CTNNA2: variants seen among roughly 807,000 people sequenced by gnomAD.
CTNNA2 encodes catenin alpha-2.
Under a neutral mutation model 101.0 loss-of-function variants are expected in CTNNA2, and 42 were observed. The ratio of observed to expected loss-of-function variants is 0.42; its 90% CI spans 0.32 to 0.54. The LOEUF (loss-of-function observed/expected upper bound fraction) is 0.54. CTNNA2 is among the 20% of genes least tolerant of loss of function. CTNNA2 has a pLI of 0.14. For synonymous variants in CTNNA2, 450 were observed against 456.4 expected (o/e 0.99, Z 0.18); for missense variants, 871 against 1,223.1 (o/e 0.71, Z 4.29).
intron 3 of CTNNA2, among the ~76,000 whole-genome samples, chr2:79,789,186 C>T (rs571171930): frequency 1.3e-5 from 2 of 152,262 alleles, no homozygotes; most frequent in South Asian, 4.1e-4. Flanking sequence ...CTGTGTGAGT[C>T]AGGGAAATGT....
intron 7 of CTNNA2, among the ~76,000 whole-genome samples, chr2:79,960,672 A>G (rs1024268991): frequency 3.3e-5 from 5 of 151,784 alleles, no homozygotes; most frequent in Non-Finnish European, 7.4e-5. Context: ...CATTACATTG[A>G]TTTTTTTTTC....
intron 7 of CTNNA2, among the ~76,000 whole-genome samples, chr2:79,944,953 A>C (rs571645556): frequency 4.6e-5 from 7 of 152,206 alleles, no homozygotes; most frequent in Non-Finnish European, 8.8e-5. Flanking sequence ...ATACATTGCC[A>C]TTCTCAGAAG....
chr2:79,403,825 G>A (rs1558658793), intron 4 of CTNNA2, among the ~76,000 whole-genome samples: 1 of 151,842 alleles, frequency 6.6e-6, no homozygotes, highest in Non-Finnish European at 1.5e-5. Context: ...TGTTGATGGG[G>A]GTGTAATTAA....
intron 3 of CTNNA2, among the ~76,000 whole-genome samples, chr2:79,810,501 G>A (rs1218406205): frequency 1.3e-5 from 2 of 150,544 alleles, no homozygotes; most frequent in African/African-American, 4.9e-5. Flanking sequence ...CCATTGAATT[G>A]CCTTTTCACC....
At chr2:79,402,816 A>G (rs1678304321) in intron 4 of CTNNA2, among the ~76,000 whole-genome samples, 1 of 151,818 alleles carries the variant, frequency 6.6e-6, no homozygotes, top group Admixed American at 6.6e-5. Flanking sequence ...AAAATTAGAA[A>G]TCAATCACAA....
intron 4 of CTNNA2, among the ~76,000 whole-genome samples, chr2:79,415,693 A>C (rs1678471621): frequency 6.6e-6 from 1 of 152,120 alleles, no homozygotes; most frequent in South Asian, 2.1e-4. Context: ...CTGTCCTGGC[A>C]TCCTGTTATA....
intron 7 of CTNNA2, among the ~76,000 whole-genome samples, chr2:80,024,631 C>G (rs1694820885): frequency 6.6e-6 from 1 of 152,194 alleles, no homozygotes; most frequent in Non-Finnish European, 1.5e-5. Flanking sequence ...TCACTCCGCT[C>G]TGGTGGGAGC....
chr2:79,588,776 G>A (rs1291556242), intron 1 of CTNNA2, among the ~76,000 whole-genome samples: 1 of 152,140 alleles, frequency 6.6e-6, no homozygotes, highest in Non-Finnish European at 1.5e-5. Context: ...AAGCCTCTTG[G>A]TGTAGGCATA....
chr2:79,490,561 G>T (rs904262332), intron 4 of CTNNA2, among the ~76,000 whole-genome samples: 1 of 152,028 alleles, frequency 6.6e-6, no homozygotes, highest in East Asian at 1.9e-4. Context: ...CAACATGACC[G>T]TCCATCTTTT....
intron 9 of CTNNA2, among the ~76,000 whole-genome samples, chr2:80,513,250 A>G (rs1688852887): frequency 1.3e-5 from 2 of 152,254 alleles, no homozygotes; most frequent in African/African-American, 4.8e-5. Context: ...AAGAACAGAG[A>G]AAAAACAATA....
intron 4 of CTNNA2, among the ~76,000 whole-genome samples, chr2:79,398,582 C>A (rs1286409613): frequency 6.6e-6 from 1 of 152,046 alleles, no homozygotes; most frequent in African/African-American, 2.4e-5. Flanking sequence ...AGCTGTACTA[C>A]ATTACTACAA....
intron 9 of CTNNA2, among the ~76,000 whole-genome samples, chr2:80,510,641 C>A (rs1688634291): frequency 6.6e-6 from 1 of 152,110 alleles, no homozygotes; most frequent in Admixed American, 6.6e-5. Context: ...ATATTCTCTG[C>A]AATTTATTGA....
intron 14 of CTNNA2, among the ~76,000 whole-genome samples, chr2:80,588,227 G>T (rs561572570): frequency 6.6e-6 from 1 of 152,154 alleles, no homozygotes; most frequent in Non-Finnish European, 1.5e-5. Flanking sequence ...GCACATGCCC[G>T]CCTTCTCGTG....
At chr2:80,502,399 G>A (rs1392758358) in intron 9 of CTNNA2, among the ~76,000 whole-genome samples, 4 of 152,148 alleles carry the variant, frequency 2.6e-5, no homozygotes, top group Admixed American at 2.6e-4. Context: ...AGTCCTCTCT[G>A]CAGATGCACC....
intron 2 of CTNNA2, chr2:79,281,468 G>C (rs948268042): frequency 6.6e-6 from 1 of 152,106 alleles, no homozygotes; most frequent in East Asian, 1.9e-4. Context: ...ATCCAGAGTT[G>C]CTTGTGATTA....
At chr2:80,379,304 G>C (rs918899749) in intron 7 of CTNNA2, among the ~76,000 whole-genome samples, 1 of 152,138 alleles carries the variant, frequency 6.6e-6, no homozygotes. Flanking sequence ...AACCTTATTT[G>C]ATGTCTACAG....
At chr2:79,641,278 T>C (rs1335292345) in intron 1 of CTNNA2, among the ~76,000 whole-genome samples, 5 of 152,152 alleles carry the variant, frequency 3.3e-5, no homozygotes, top group African/African-American at 4.8e-5. Flanking sequence ...GGTGGCTAGT[T>C]TGCTATAATC....
intron 7 of CTNNA2, among the ~76,000 whole-genome samples, chr2:80,317,557 T>A (rs1233315636): frequency 4.6e-5 from 7 of 152,172 alleles, no homozygotes; most frequent in Non-Finnish European, 7.3e-5. Context: ...TTGACCCTTT[T>A]AAAATCTTCC....
chr2:79,679,820 A>G (rs1352973062), intron 2 of CTNNA2, among the ~76,000 whole-genome samples: 1 of 152,092 alleles, frequency 6.6e-6, no homozygotes, highest in Non-Finnish European at 1.5e-5. Flanking sequence ...TCTCTGTGAT[A>G]CAGTGTGAAG....
Sources: allele counts gnomAD v4.1 joint callset (sites outside exome capture counted in the v4.1 genomes callset), GRCh38; gene constraint gnomAD v4.1.1; transcripts MANE v1.5; gene names NCBI Gene and HGNC (gene_info 2026-07-23, HGNC 2026-07-21).